DLG2: variants seen among roughly 807,000 people sequenced by gnomAD.
The protein encoded by DLG2 is discs large MAGUK scaffold protein 2.
DLG2 carries 45 observed loss-of-function variants against 132.5 expected under a neutral mutation model. The observed-to-expected ratio is 0.34, with a 90% CI of 0.27 to 0.44. The LOEUF (loss-of-function observed/expected upper bound fraction) is 0.44, where lower values mean the gene tolerates loss of function less well. Ranked by LOEUF, DLG2 falls within the 20% of genes least tolerant of loss-of-function variation. DLG2 has a pLI of 1.00. For missense variants in DLG2, 1,045 were observed against 1,196.9 expected (o/e 0.87, Z 1.87); for synonymous variants, 424 against 419.6 (o/e 1.01, Z -0.13).
At chr11:85,616,709 C>T (rs904287751) in intron 2 of DLG2, among the ~76,000 whole-genome samples, 5 of 152,166 alleles carry the variant, frequency 3.3e-5, no homozygotes, top group Non-Finnish European at 7.4e-5. Flanking sequence ...AAAAATTTTC[C>T]CAGCTGAAGA....
At position 84,666,972 on chromosome 11, in the gene DLG2, A is replaced by G. The variant is rs561760832; in HGVS notation, c.358-132241T>C. ...GTAGAGAAAATTTATGTGTTGTCCT[A>G]TCTACATATCCCTCTTTTTTAACCC... On this transcript the variant is annotated intron_variant, in intron 6 of 27. Coordinates refer to ENST00000376104, the MANE Select transcript of DLG2 (RefSeq NM_001142699.3). 2.6e-5 allele frequency among the ~76,000 whole-genome samples: 4 copies of G among 152,242 alleles called. No individual in the cohort carries two copies. The South Asian group carries it at 8.3e-4, about 31-fold the overall frequency.
intron 3 of DLG2, among the ~76,000 whole-genome samples, chr11:85,533,356 T>A (rs146558990): frequency 0.012 from 1,876 of 151,858 alleles, 46 homozygotes; most frequent in African/African-American, 0.041. Context: ...TTTTTTTAAC[T>A]GGCTAAGGTG....
intron 3 of DLG2, among the ~76,000 whole-genome samples, chr11:85,364,885 G>A (rs1333092160): frequency 1.4e-5 from 2 of 142,712 alleles, no homozygotes; most frequent in Non-Finnish European, 3.1e-5. Flanking sequence ...TTTTTTTTTT[G>A]GTTCAGAGTT....
chr11:83,633,170 T>C (rs763129968), intron 19 of DLG2, 41 bp downstream of exon 19: 6 of 1,581,910 alleles, frequency 3.8e-6, no homozygotes, highest in Non-Finnish European at 5.2e-6. Flanking sequence ...TCAAGTTGAA[T>C]TGCTCACAAA....
intron 4 of DLG2, among the ~76,000 whole-genome samples, chr11:85,266,815 A>G (rs2077241405): frequency 1.3e-5 from 2 of 152,202 alleles, no homozygotes; most frequent in Admixed American, 6.5e-5. Context: ...AATTCTGATG[A>G]AGAAACATTT....
At chr11:83,835,858 A>G (rs2056003216) in intron 16 of DLG2, among the ~76,000 whole-genome samples, 1 of 152,050 alleles carries the variant, frequency 6.6e-6, no homozygotes, top group African/African-American at 2.4e-5. Flanking sequence ...TGGTTGTAGG[A>G]TTGTATTAGT....
chr11:84,667,144 T>C (rs1859116804), intron 6 of DLG2, among the ~76,000 whole-genome samples: 1 of 152,190 alleles, frequency 6.6e-6, no homozygotes, highest in African/African-American at 2.4e-5. Context: ...ATTTCCAATT[T>C]ATGAGACGAC....
At chr11:84,367,587 A>G (rs1332162429) in intron 7 of DLG2, among the ~76,000 whole-genome samples, 6 of 152,254 alleles carry the variant, frequency 3.9e-5, no homozygotes, top group African/African-American at 1.4e-4. Flanking sequence ...TGGATCATAC[A>G]TAGATTAATG....
chr11:85,080,340 A>T (rs2094912909), intron 6 of DLG2, among the ~76,000 whole-genome samples: 2 of 152,122 alleles, frequency 1.3e-5, no homozygotes, highest in African/African-American at 4.8e-5. Flanking sequence ...AGCTATATAG[A>T]ATTAGCAATG....
At chr11:84,538,557 A>G (rs2099360850) in intron 6 of DLG2, among the ~76,000 whole-genome samples, 2 of 151,772 alleles carry the variant, frequency 1.3e-5, no homozygotes, top group South Asian at 4.2e-4. Context: ...ACCTGAACCT[A>G]TATTTCTGCA....
chr11:85,253,060 T>C (rs1032100423), intron 4 of DLG2, among the ~76,000 whole-genome samples: 3 of 152,244 alleles, frequency 2.0e-5, no homozygotes, highest in African/African-American at 4.8e-5. Flanking sequence ...CATATGCTCA[T>C]AATTACTTCC....
chr11:83,985,365 A>G (rs193093817), intron 11 of DLG2, among the ~76,000 whole-genome samples: 13 of 151,866 alleles, frequency 8.6e-5, no homozygotes, highest in Non-Finnish European at 1.8e-4. Flanking sequence ...TTTAACTTTT[A>G]AGTTCTGGGG....
rs11601533 is a variant in DLG2 at position 85,352,921 on chromosome 11, G to A, written c.41-67556C>T. Among the ~76,000 whole-genome samples, 317 of 152,224 alleles carry A rather than the reference G, an allele frequency of 2.1e-3. 3 individuals are homozygous for A. The highest frequency in any genetic ancestry group is 3.9e-3 in the Non-Finnish European group (266 of 68,018). On this transcript the variant is annotated intron_variant, in intron 3 of 27. Coordinates refer to ENST00000376104, the MANE Select transcript of DLG2 (RefSeq NM_001142699.3). ...CTAGGCAATACCATTCAGGACATAG[G>A]CATGTGCAAGGACTTCATGTCTAAA... is the stretch of plus-strand genomic sequence containing the variant.
At chr11:83,745,254 C>A (rs868554781) in intron 18 of DLG2, among the ~76,000 whole-genome samples, 6 of 152,278 alleles carry the variant, frequency 3.9e-5, no homozygotes, top group South Asian at 2.1e-4. Flanking sequence ...GTTCTTTATA[C>A]AGCAAGAAGT....
chr11:83,774,985 G>C (rs948462873), intron 18 of DLG2, among the ~76,000 whole-genome samples: 3 of 151,218 alleles, frequency 2.0e-5, no homozygotes, highest in African/African-American at 7.4e-5. Flanking sequence ...TATTCCTAGA[G>C]CCAAGCCCAA....
intron 6 of DLG2, among the ~76,000 whole-genome samples, chr11:84,985,037 G>A (rs1163769376): frequency 6.6e-6 from 1 of 152,100 alleles, no homozygotes; most frequent in Non-Finnish European, 1.5e-5. Context: ...AACAATATTG[G>A]AGGACTTTAC....
chr11:83,520,639 G>GTAGATAGATAGACAGATAGATAGA (rs2095444096), intron 21 of DLG2, among the ~76,000 whole-genome samples: 1 of 147,954 alleles, frequency 6.8e-6, no homozygotes, highest in East Asian at 2.0e-4. Context: ...AGGTAGGTAG[G>GTAGATAGATAGACAGATAGATAGA]TAGATAGATA....
At chr11:83,627,838 A>C (rs1442036373) in intron 19 of DLG2, among the ~76,000 whole-genome samples, 5 of 152,174 alleles carry the variant, frequency 3.3e-5, no homozygotes, top group African/African-American at 1.2e-4. Context: ...CAACAGTGTA[A>C]AAGTGTTCAT....
intron 6 of DLG2, among the ~76,000 whole-genome samples, chr11:84,939,287 G>A (rs2049105275): frequency 6.6e-6 from 1 of 151,834 alleles, no homozygotes; most frequent in Admixed American, 6.6e-5. Flanking sequence ...TACTTACTAG[G>A]TATATCAATT....
Sources: allele counts gnomAD v4.1 joint callset (sites outside exome capture counted in the v4.1 genomes callset), GRCh38; gene constraint gnomAD v4.1.1; transcripts MANE v1.5; gene names NCBI Gene and HGNC (gene_info 2026-07-23, HGNC 2026-07-21).